The following NDUFAF6 variants were observed in gnomAD, a reference collection of about 807,000 sequenced individuals.
NDUFAF6 encodes NADH dehydrogenase (ubiquinone) complex I, assembly factor 6.
A neutral mutation model predicts 40.8 loss-of-function variants in NDUFAF6; 45 were observed. The ratio of observed to expected loss-of-function variants is 1.10; its 90% CI spans 0.87 to 1.42. The LOEUF (loss-of-function observed/expected upper bound fraction) is 1.42, where lower values mean the gene tolerates loss of function less well. NDUFAF6 is among the 40% of genes most tolerant of loss of function. The probability of loss-of-function intolerance (pLI) is 0.00; values close to 1 mark genes in which losing one functional copy is unlikely to be tolerated. For missense variants in NDUFAF6, 435 were observed against 418.5 expected, an observed-to-expected ratio of 1.04 and a Z score of -0.34; for synonymous variants, 185 against 155.9, an observed-to-expected ratio of 1.19 and a Z score of -1.39.
rs373942436 is a variant in NDUFAF6 at position 95,087,189 on chromosome 8, A to G, written n.213+11437A>G. On this transcript the variant is annotated intron_variant and non_coding_transcript_variant, in intron 2 of 5. Transcript: ENST00000523184. ...CTCTCATTCTTAAAGAGTAGCCAACATAGGAAAGGTCCAGAAAGATCTGCA... is the reference window on the plus strand; with the variant it reads ...CTCTCATTCTTAAAGAGTAGCCAACGTAGGAAAGGTCCAGAAAGATCTGCA... Among the ~76,000 whole-genome samples, 16 of 152,266 alleles carry G rather than the reference A, an allele frequency of 1.1e-4. 1 individual carries two copies. Among genetic ancestry groups the G allele is most frequent in the Admixed American group, 7.2e-4 (11 of 15,300 alleles).
At chr8:95,053,191 T>C (rs1831636836) in intron 8 of NDUFAF6, among the ~76,000 whole-genome samples, 1 of 152,224 alleles carries the variant, frequency 6.6e-6, no homozygotes, top group Non-Finnish European at 1.5e-5. Context: ...CTTTTGCTAA[T>C]TATAAAAGTA....
At position 95,047,139 on chromosome 8, in the gene NDUFAF6, AT is replaced by A. The variant is rs1156440841; in HGVS notation, c.714+15del. 6.2e-7 allele frequency: 1 copy of A among 1,614,120 alleles called. No individual in the cohort carries two copies. Among genetic ancestry groups the A allele is most frequent in the Non-Finnish European group, 8.5e-7 (1 of 1,180,000 alleles). The stretch of plus-strand genomic sequence containing the variant: ...ATATTTGTATGCTGGTAAGGCTGTA[AT>A]TTGTACCTTTGAATAATTTACCTCA... On this transcript the variant is annotated intron_variant, in intron 6 of 8. Transcript: ENST00000396124.
At chr8:95,011,857 G>T (rs1827240843) in intron 2 of NDUFAF6, among the ~76,000 whole-genome samples, 1 of 152,090 alleles carries the variant, frequency 6.6e-6, no homozygotes, top group Non-Finnish European at 1.5e-5. Flanking sequence ...CAAAAGTCTA[G>T]TAAGTATCTT....
At chr8:95,016,515 T>G (rs1436361050) in intron 2 of NDUFAF6, among the ~76,000 whole-genome samples, 1 of 152,054 alleles carries the variant, frequency 6.6e-6, no homozygotes, top group Non-Finnish European at 1.5e-5. Context: ...GAGGCTGAGG[T>G]GGGCGGATCA....
At chr8:94,925,912 CAG>C (rs1321892844) in intron 1 of NDUFAF6, 1 of 152,382 alleles carries the variant, frequency 6.6e-6, no homozygotes, top group Non-Finnish European at 1.5e-5. Context: ...AAAAACTAAA[CAG>C]TAAGTTGTAC....
chr8:95,095,436 C>T (rs1809425072), upstream of NDUFAF6, among the ~76,000 whole-genome samples: 2 of 152,130 alleles, frequency 1.3e-5, no homozygotes, highest in South Asian at 2.1e-4. Flanking sequence ...TCCTCTCAAC[C>T]AAGGTGCAAA....
intron 1 of NDUFAF6, among the ~76,000 whole-genome samples, chr8:94,967,625 TC>T (rs1214686891): frequency 6.6e-6 from 1 of 151,974 alleles, no homozygotes; most frequent in Non-Finnish European, 1.5e-5. Flanking sequence ...TTCGGTTCTC[TC>T]ATAAGGCTGC....
At chr8:94,944,641 T>C (rs1045342301) in intron 1 of NDUFAF6, among the ~76,000 whole-genome samples, 2 of 152,128 alleles carry the variant, frequency 1.3e-5, no homozygotes, top group Admixed American at 1.3e-4. Flanking sequence ...TTCATCTCAC[T>C]CAAGCCACTG....
intron 2 of NDUFAF6, among the ~76,000 whole-genome samples, chr8:95,081,460 G>T (rs1808867241): frequency 6.6e-6 from 1 of 151,886 alleles, no homozygotes; most frequent in Non-Finnish European, 1.5e-5. Context: ...CTGAGCCACC[G>T]CGCCTGGCTA....
intron 8 of NDUFAF6, among the ~76,000 whole-genome samples, chr8:95,053,154 G>C (rs1011662621): frequency 1.3e-5 from 2 of 152,126 alleles, no homozygotes; most frequent in Non-Finnish European, 2.9e-5. Flanking sequence ...GTCTGTATGT[G>C]AGAAGTCATT....
At chr8:95,050,631 TTCATCA>T (rs1394894571) in intron 7 of NDUFAF6, among the ~76,000 whole-genome samples, 1 of 152,164 alleles carries the variant, frequency 6.6e-6, no homozygotes, top group East Asian at 1.9e-4. Context: ...TATGTTAGTT[TTCATCA>T]TCATCATCAA....
chr8:94,944,111 C>A (rs377540671), intron 1 of NDUFAF6, among the ~76,000 whole-genome samples: 1 of 152,234 alleles, frequency 6.6e-6, no homozygotes, highest in Non-Finnish European at 1.5e-5. Context: ...ATTGGCCCCA[C>A]GTACAATTCT....
intron 1 of NDUFAF6, among the ~76,000 whole-genome samples, chr8:94,922,063 C>T (rs1002490388): frequency 6.6e-6 from 1 of 151,810 alleles, no homozygotes; most frequent in Non-Finnish European, 1.5e-5. Context: ...AGTGCAGTAA[C>T]ATGATCTCGG....
Position 95,040,808 on chromosome 8 carries a change from A to G in NDUFAF6, c.421-762A>G, listed in dbSNP as rs140163741. The G allele has an allele frequency of 1.1e-4, 17 of 152,348 alleles. No individual in the cohort carries two copies. In the East Asian group the frequency reaches 2.9e-3, roughly 26 times the overall value. The allele number at this position is 152,348 out of a possible 1,614,324, so 9.4% of individuals were successfully genotyped here. A position where few individuals can be genotyped will look rare whatever the true frequency, so the allele number is the denominator to read the frequency against. On this transcript the variant is annotated intron_variant, in intron 3 of 8. Coordinates refer to ENST00000396124, the MANE Select transcript of NDUFAF6 (RefSeq NM_152416.4). ...GAGCACTTTCTTATTTTCTGACACAATAAGATATTCTAGGATCCTTTTGAA... is the reference window on the plus strand; with the variant it reads ...GAGCACTTTCTTATTTTCTGACACAGTAAGATATTCTAGGATCCTTTTGAA...
downstream of NDUFAF6, among the ~76,000 whole-genome samples, chr8:95,059,789 C>T (rs1046011150): frequency 3.9e-5 from 6 of 151,926 alleles, no homozygotes; most frequent in Non-Finnish European, 7.4e-5. Flanking sequence ...GTAGAGGTTG[C>T]AGTGAGCTGA....
At chr8:95,036,481 G>C (rs1829520709) in intron 3 of NDUFAF6, 4 of 1,289,410 alleles carry the variant, frequency 3.1e-6, no homozygotes, top group Non-Finnish European at 3.0e-6. Context: ...AGAAGAAAAA[G>C]TGGATGGGAA....
At chr8:95,118,471 A>C (rs996686746), downstream of NDUFAF6, among the ~76,000 whole-genome samples, 1 of 152,142 alleles carries the variant, frequency 6.6e-6, no homozygotes, top group Non-Finnish European at 1.5e-5. Flanking sequence ...ACTTTGGGTG[A>C]GAAATAAATT....
At chr8:94,953,271 G>A (rs1425386910), upstream of NDUFAF6, among the ~76,000 whole-genome samples, 7 of 151,960 alleles carry the variant, frequency 4.6e-5, no homozygotes, top group South Asian at 2.1e-4. Flanking sequence ...CGCTTGAACC[G>A]GGGAGGCGGA....
intron 1 of NDUFAF6, among the ~76,000 whole-genome samples, chr8:94,970,395 A>C (rs1225485615): frequency 6.6e-6 from 1 of 152,158 alleles, no homozygotes; most frequent in African/African-American, 2.4e-5. Flanking sequence ...CAAAATGCAA[A>C]TGAAAAAGCT....
Sources: allele counts gnomAD v4.1 joint callset (sites outside exome capture counted in the v4.1 genomes callset), GRCh38; gene constraint gnomAD v4.1.1; transcripts MANE v1.5; gene names NCBI Gene and HGNC (gene_info 2026-07-23, HGNC 2026-07-21).